Variants in RFX3 observed in about 807,000 individuals in gnomAD.
RFX3 encodes transcription factor RFX3.
In RFX3, 14 loss-of-function variants were observed where a neutral mutation model predicts 98.6. The ratio of observed to expected loss-of-function variants is 0.14; its 90% CI spans 0.09 to 0.22. The LOEUF (loss-of-function observed/expected upper bound fraction) is 0.22. Among genes scored for constraint, RFX3 ranks in the 10% least tolerant of loss-of-function variants. The pLI is 1.00. For missense variants in RFX3, 639 were observed against 926.9 expected (o/e 0.69, Z 4.03); for synonymous variants, 383 against 328.4 (o/e 1.17, Z -1.80).
intron 1 of RFX3, among the ~76,000 whole-genome samples, chr9:3,421,687 G>A (rs1843454168): frequency 6.6e-6 from 1 of 152,082 alleles, no homozygotes; most frequent in Non-Finnish European, 1.5e-5. Flanking sequence ...AAAGCATGGA[G>A]CTCGTTTATT....
At chr9:3,524,750 C>T (rs894670414) in intron 1 of RFX3, 7 of 289,774 alleles carry the variant, frequency 2.4e-5, no homozygotes, top group Non-Finnish European at 3.6e-5. Context: ...CCTCCCACCT[C>T]CACATGAAGG....
rs547014068 is a variant in RFX3 at position 3,218,370 on chromosome 9, G to C, written c.*6672C>G. On this transcript the variant is annotated 3_prime_UTR_variant, in exon 17 of 17. Transcript: ENST00000617270. ...ATTTTGTTTTGAAAAACACAAGAAA[G>C]CTAGCCTGAGTTCAAGTCTGAAATA... 9 of 152,076 alleles carry C rather than the reference G, an allele frequency of 5.9e-5. No homozygotes were observed. The highest frequency in any genetic ancestry group is 1.3e-4 in the Non-Finnish European group (9 of 67,996). 9.4% of individuals were successfully genotyped at this position (152,076 alleles called of 1,614,324 possible). A position where few individuals can be genotyped will look rare whatever the true frequency, so the allele number is the denominator to read the frequency against.
chr9:3,405,573 C>G (rs1177125150), intron 1 of RFX3, among the ~76,000 whole-genome samples: 1 of 152,174 alleles, frequency 6.6e-6, no homozygotes, highest in African/African-American at 2.4e-5. Context: ...AATTCAAATT[C>G]TACTGACGGC....
intron 2 of RFX3, among the ~76,000 whole-genome samples, chr9:3,356,410 A>G (rs1835779619): frequency 6.6e-6 from 1 of 151,838 alleles, no homozygotes; most frequent in Admixed American, 6.6e-5. Context: ...GATGAAATGG[A>G]AAAAGTTTAT....
intron 1 of RFX3, among the ~76,000 whole-genome samples, chr9:3,418,650 G>C (rs1843184342): frequency 6.6e-6 from 1 of 152,134 alleles, no homozygotes; most frequent in Non-Finnish European, 1.5e-5. Context: ...AAAGTGCTGG[G>C]ATTACAGGTG....
intron 14 of RFX3, among the ~76,000 whole-genome samples, chr9:3,249,827 T>C (rs182116561): frequency 1.0e-3 from 156 of 152,170 alleles, no homozygotes; most frequent in African/African-American, 3.4e-3. Context: ...CCAATGTAAC[T>C]ATACTGTTAC....
rs150662819 is a variant in RFX3, at chr9:3,463,889, T to C, written c.-9+61858A>G. 1.8e-3 allele frequency among the ~76,000 whole-genome samples: 270 copies of C among 152,070 alleles called. 1 individual carries two copies. Among genetic ancestry groups the C allele is most frequent in the African/African-American group, 6.3e-3 (261 of 41,502 alleles). On this transcript the variant is annotated intron_variant, in intron 1 of 16. Coordinates refer to ENST00000617270, the MANE Select transcript of RFX3 (RefSeq NM_001282116.2). ...CTCAGAGGGTGAGGTGGGAGGATTG[T>C]TTGGGCCTGGGAAGTCAAGGCTGCA...
chr9:3,524,226 G>GA (rs1462482286), intron 1 of RFX3, among the ~76,000 whole-genome samples: 1 of 151,854 alleles, frequency 6.6e-6, no homozygotes, highest in African/African-American at 2.4e-5. Context: ...AAGTTAAGCT[G>GA]AAAAAAATGA....
At position 3,330,321 on chromosome 9, in the gene RFX3, C is replaced by G; in HGVS notation, c.412G>C (p.Gly138Arg). The G allele has an allele frequency of 6.2e-7, 1 of 1,614,104 alleles. No homozygotes were observed. The highest frequency in any genetic ancestry group is 8.5e-7 in the Non-Finnish European group (1 of 1,180,010). The change falls in exon 4 of 17, where the codon GGC becomes CGC. Residue 138 changes from glycine (G) to arginine (R), a missense_variant. This residue lies in a region of RFX3 where 210 missense variants were observed against 197.7 expected (regional missense o/e 1.06). Coordinates refer to ENST00000617270, the MANE Select transcript of RFX3 (RefSeq NM_001282116.2). The stretch of plus-strand genomic sequence containing the variant: ...TGACCAGAATTCTCCATTGAGTTGC[C>G]GATCAGATAGGTTCCTCCAGAGCTG... ...ISSSGGTYLIGNSMENSGHSV... is the reference protein window; with the variant it reads ...ISSSGGTYLIRNSMENSGHSV...
chr9:3,467,047 T>TACATACATATATATAAGTATATAC (rs1564138510), intron 1 of RFX3, among the ~76,000 whole-genome samples: 2 of 143,394 alleles, frequency 1.4e-5, no homozygotes, highest in African/African-American at 5.2e-5. Flanking sequence ...TATATATATA[T>TACATACATATATATAAGTATATAC]GTATATACAT....
At chr9:3,238,259 G>A (rs1430656847) in intron 15 of RFX3, among the ~76,000 whole-genome samples, 2 of 152,212 alleles carry the variant, frequency 1.3e-5, no homozygotes, top group Non-Finnish European at 2.9e-5. Flanking sequence ...CACAGTCTAA[G>A]AATGGAAGGG....
chr9:3,341,841 G>A (rs543098966), intron 3 of RFX3, among the ~76,000 whole-genome samples: 12 of 152,254 alleles, frequency 7.9e-5, no homozygotes, highest in Admixed American at 2.6e-4. Flanking sequence ...GTGTACATAC[G>A]TAGAAGCATA....
chr9:3,449,382 C>T (rs971587939), intron 1 of RFX3, among the ~76,000 whole-genome samples: 1 of 152,202 alleles, frequency 6.6e-6, no homozygotes, highest in Non-Finnish European at 1.5e-5. Context: ...TTTTTCTATG[C>T]ACTAGTCATG....
At chr9:3,481,360 C>G (rs1349812360) in intron 1 of RFX3, among the ~76,000 whole-genome samples, 1 of 152,046 alleles carries the variant, frequency 6.6e-6, no homozygotes, top group Non-Finnish European at 1.5e-5. Flanking sequence ...AAGGATTTCT[C>G]TCTCACAATC....
chr9:3,301,170 G>A (rs1055379523), intron 5 of RFX3, among the ~76,000 whole-genome samples: 4 of 151,682 alleles, frequency 2.6e-5, no homozygotes, highest in Admixed American at 6.6e-5. Flanking sequence ...GGTCACGCAA[G>A]TAGACATGGC....
rs373440025 is a variant in RFX3 at position 3,508,956 on chromosome 9, G to GACACACAC, written c.-9+16783_-9+16790dup. Among the ~76,000 whole-genome samples, 39 of 147,834 alleles carry GACACACAC rather than the reference G, an allele frequency of 2.6e-4. 3 individuals are homozygous for GACACACAC. In the South Asian group the frequency reaches 8.3e-3, roughly 32 times the overall value. On this transcript the variant is annotated intron_variant, in intron 1 of 16. Coordinates refer to ENST00000617270, the MANE Select transcript of RFX3 (RefSeq NM_001282116.2). ...GATTTACTTCTAATTGTAAAACACA[G>GACACACAC]ACACACACACACACACACACAGAAA...
chr9:3,399,044 A>C (rs946556143), intron 1 of RFX3, among the ~76,000 whole-genome samples: 1 of 151,770 alleles, frequency 6.6e-6, no homozygotes, highest in African/African-American at 2.4e-5. Context: ...CCTTCTATGG[A>C]CTACATTTGA....
At chr9:3,453,973 A>G (rs1846916444) in intron 1 of RFX3, among the ~76,000 whole-genome samples, 2 of 152,210 alleles carry the variant, frequency 1.3e-5, no homozygotes, top group South Asian at 2.1e-4. Flanking sequence ...GACTAGTGAT[A>G]ACATACATAA....
At chr9:3,407,955 C>T (rs1387246410) in intron 1 of RFX3, among the ~76,000 whole-genome samples, 1 of 152,130 alleles carries the variant, frequency 6.6e-6, no homozygotes, top group South Asian at 2.1e-4. Flanking sequence ...CAATGTGCCA[C>T]AGTGATTTCA....
Sources: allele counts gnomAD v4.1 joint callset (sites outside exome capture counted in the v4.1 genomes callset), GRCh38; gene constraint gnomAD v4.1.1; regional missense constraint gnomAD v4.1.1; transcripts MANE v1.5; gene names NCBI Gene and HGNC (gene_info 2026-07-23, HGNC 2026-07-21).